Variants in PDE4B observed in about 807,000 individuals in gnomAD.
PDE4B encodes the protein phosphodiesterase 4B.
A neutral mutation model predicts 82.2 loss-of-function variants in PDE4B; 20 were observed. The observed-to-expected ratio is 0.24, with a 90% CI of 0.17 to 0.35. The LOEUF is 0.35. Among genes scored for constraint, PDE4B ranks in the 10% least tolerant of loss-of-function variants. The pLI is 1.00. For missense variants in PDE4B, 655 were observed against 907.2 expected (o/e 0.72, Z 3.57); for synonymous variants, 320 against 318.9 (o/e 1.00, Z -0.04).
In PDE4B at chr1:66,174,130, A is replaced by C. The variant is rs116632335; in HGVS notation, c.282-73330A>C. The stretch of plus-strand genomic sequence containing the variant: ...TTACCTACAAATTTTTTCCTGCTGA[A>C]CTACAGCTAATGGTGAATTCAGGTG... On this transcript the variant is annotated intron_variant, in intron 3 of 16. Transcript: ENST00000341517. Among the ~76,000 whole-genome samples the C allele has an allele frequency of 4.2e-3, 635 of 152,262 alleles. 4 individuals carry two copies. Among genetic ancestry groups the C allele is most frequent in the African/African-American group, 0.015 (609 of 41,548 alleles).
intron 8 of PDE4B, 47 bp downstream of exon 8, chr1:66,332,667 C>T (rs1007261012): frequency 8.5e-6 from 13 of 1,528,052 alleles, no homozygotes; most frequent in East Asian, 4.6e-5. Context: ...ATGCAGGGAG[C>T]TCCAGCTCCC....
intron 3 of PDE4B, among the ~76,000 whole-genome samples, chr1:66,145,948 A>G (rs1472027317): frequency 1.3e-5 from 2 of 152,164 alleles, no homozygotes; most frequent in Admixed American, 1.3e-4. Flanking sequence ...TGTTTTGAGA[A>G]TTGTGTGACT....
At chr1:66,258,273 T>C (rs1654405750) in intron 6 of PDE4B, among the ~76,000 whole-genome samples, 2 of 152,226 alleles carry the variant, frequency 1.3e-5, no homozygotes, top group Non-Finnish European at 2.9e-5. Flanking sequence ...AAGTTCAATT[T>C]GCCTAATTTT....
chr1:66,194,807 T>C (rs1256998757), intron 3 of PDE4B, among the ~76,000 whole-genome samples: 1 of 152,158 alleles, frequency 6.6e-6, no homozygotes, highest in Non-Finnish European at 1.5e-5. Context: ...ATTTCTTATT[T>C]ATTTTTGTAT....
intron 3 of PDE4B, among the ~76,000 whole-genome samples, chr1:66,008,592 C>G (rs2100731121): frequency 6.6e-6 from 1 of 152,278 alleles, no homozygotes; most frequent in Admixed American, 6.5e-5. Flanking sequence ...AGGCACTCCT[C>G]TATCTATTGC....
intron 7 of PDE4B, among the ~76,000 whole-genome samples, chr1:66,302,940 A>G (rs1053097200): frequency 6.6e-6 from 1 of 152,148 alleles, no homozygotes; most frequent in South Asian, 2.1e-4. Flanking sequence ...CTTGGAAACC[A>G]CTTCCTCTAA....
At chr1:66,290,578 G>T (rs1454083633) in intron 7 of PDE4B, among the ~76,000 whole-genome samples, 1 of 152,144 alleles carries the variant, frequency 6.6e-6, no homozygotes, top group East Asian at 1.9e-4. Context: ...TTTAAATTAT[G>T]AATATAAAGT....
chr1:66,044,651 C>A (rs1654588804), intron 3 of PDE4B, among the ~76,000 whole-genome samples: 1 of 151,672 alleles, frequency 6.6e-6, no homozygotes, highest in Non-Finnish European at 1.5e-5. Flanking sequence ...AGATGTCCAG[C>A]AAGTTTGTAT....
Position 65,798,208 on chromosome 1 carries a change from A to T in PDE4B, c.-71+4960A>T, listed in dbSNP as rs540283413. Among the ~76,000 whole-genome samples, 32 of 110,720 alleles carry T rather than the reference A, an allele frequency of 2.9e-4. 1 individual carries two copies. The highest frequency in any genetic ancestry group is 9.7e-4 in the African/African-American group (31 of 31,804). The allele number at this position is 110,720 out of a possible 152,430, so 72.6% of individuals were successfully genotyped here. ...AATTTTTGTATTTTTTTTAGTAGAGATGGGGTTTCACCATGTTGGCCAGGC... is the reference window on the plus strand; with the variant it reads ...AATTTTTGTATTTTTTTTAGTAGAGTTGGGGTTTCACCATGTTGGCCAGGC... On this transcript the variant is annotated intron_variant, in intron 1 of 16. Coordinates refer to ENST00000341517, the MANE Select transcript of PDE4B (RefSeq NM_002600.4).
intron 7 of PDE4B, among the ~76,000 whole-genome samples, chr1:66,286,873 C>T (rs1656713625): frequency 6.6e-6 from 1 of 152,038 alleles, no homozygotes; most frequent in East Asian, 1.9e-4. Flanking sequence ...CCCCAAAGAG[C>T]CAAGAAAAGC....
At chr1:65,862,187 G>T (rs1207567079) in intron 1 of PDE4B, among the ~76,000 whole-genome samples, 1 of 152,080 alleles carries the variant, frequency 6.6e-6, no homozygotes, top group East Asian at 1.9e-4. Flanking sequence ...CTATGGGTTT[G>T]TCATAAATAG....
intron 1 of PDE4B, among the ~76,000 whole-genome samples, chr1:65,809,294 G>A (rs555495911): frequency 1.7e-5 from 2 of 120,674 alleles, no homozygotes; most frequent in South Asian, 2.8e-4. Context: ...TTGCACCACT[G>A]CAATCTAGCC....
At chr1:65,954,045 T>C (rs1359096918) in intron 3 of PDE4B, among the ~76,000 whole-genome samples, 1 of 151,992 alleles carries the variant, frequency 6.6e-6, no homozygotes, top group Non-Finnish European at 1.5e-5. Flanking sequence ...ATTACAGACA[T>C]GCCACCACAC....
chr1:66,136,697 C>CAA (rs5774802), intron 3 of PDE4B, among the ~76,000 whole-genome samples: 2,124 of 61,346 alleles, frequency 0.035, 68 homozygotes, highest in African/African-American at 0.062. Context: ...GACTCCCTCT[C>CAA]AAAAAAAAAA....
At chr1:66,136,419 G>A (rs1480394093) in intron 3 of PDE4B, among the ~76,000 whole-genome samples, 1 of 152,080 alleles carries the variant, frequency 6.6e-6, no homozygotes, top group Non-Finnish European at 1.5e-5. Flanking sequence ...TGCTCACAAA[G>A]GGGCAGGGCA....
chr1:65,886,318 T>C (rs1557798339), intron 1 of PDE4B, among the ~76,000 whole-genome samples: 2 of 152,158 alleles, frequency 1.3e-5, no homozygotes, highest in Non-Finnish European at 2.9e-5. Flanking sequence ...CTGACTCTAA[T>C]GATCAAGTCA....
At chr1:66,134,345 G>A (rs1277448614) in intron 3 of PDE4B, among the ~76,000 whole-genome samples, 1 of 152,168 alleles carries the variant, frequency 6.6e-6, no homozygotes, top group East Asian at 1.9e-4. Context: ...GTACCTAGAA[G>A]AGCAGAACTC....
chr1:66,106,752 G>A (rs954282240), intron 3 of PDE4B, among the ~76,000 whole-genome samples: 4 of 150,664 alleles, frequency 2.7e-5, no homozygotes, highest in African/African-American at 9.7e-5. Context: ...TTCTCTGATG[G>A]TAGTTTGTAT....
intron 3 of PDE4B, among the ~76,000 whole-genome samples, chr1:66,131,356 T>G (rs1055620409): frequency 6.6e-6 from 1 of 151,670 alleles, no homozygotes; most frequent in Admixed American, 6.6e-5. Flanking sequence ...TTCCAATATG[T>G]AATAAAAATT....
Sources: allele counts gnomAD v4.1 joint callset (sites outside exome capture counted in the v4.1 genomes callset), GRCh38; gene constraint gnomAD v4.1.1; transcripts MANE v1.5; gene names NCBI Gene and HGNC (gene_info 2026-07-23, HGNC 2026-07-21).